FBLN5: variants seen among roughly 807,000 people sequenced by gnomAD.
FBLN5 encodes fibulin 5.
Under a neutral mutation model 61.6 loss-of-function variants are expected in FBLN5, and 24 were observed. The observed-to-expected ratio is 0.39, with a 90% confidence interval of 0.28 to 0.55. The LOEUF is 0.55. FBLN5 is among the 20% of genes least tolerant of loss of function. The pLI, the probability that FBLN5 is intolerant of heterozygous loss-of-function variation, is 0.65. For missense variants in FBLN5, 470 were observed against 594.1 expected, an observed-to-expected ratio of 0.79 and a Z score of 2.17; for synonymous variants, 213 against 219.8, an observed-to-expected ratio of 0.97 and a Z score of 0.27.
rs761430221 is a variant in FBLN5 at position 91,940,630 on chromosome 14, G to A, written c.73-14C>T. Reference sequence around the variant, plus strand: ...CGTGCACTGTGCCTGCAGGGAAGGAGAGAGGAGAAACAGGCAAGGTCATTT... The same window carrying A: ...CGTGCACTGTGCCTGCAGGGAAGGAAAGAGGAGAAACAGGCAAGGTCATTT... On this transcript the variant is annotated splice_polypyrimidine_tract_variant and intron_variant, in intron 2 of 10. Coordinates refer to ENST00000342058, the MANE Select transcript of FBLN5 (RefSeq NM_006329.4). 3 of 1,613,374 alleles carry A rather than the reference G, an allele frequency of 1.9e-6. No individual in the cohort carries two copies. Among genetic ancestry groups the A allele is most frequent in the Non-Finnish European group, 2.5e-6 (3 of 1,179,294 alleles).
At chr14:91,875,233 G>A (rs370585893) in intron 10 of FBLN5, among the ~76,000 whole-genome samples, 14 of 152,174 alleles carry the variant, frequency 9.2e-5, no homozygotes, top group African/African-American at 3.1e-4. Context: ...GAAGTTCAAG[G>A]ATGCAGAAAG....
chr14:91,880,770 CA>C (rs1052078602), intron 9 of FBLN5, among the ~76,000 whole-genome samples: 1 of 152,042 alleles, frequency 6.6e-6, no homozygotes, highest in African/African-American at 2.4e-5. Flanking sequence ...AGGCTGCTCT[CA>C]AACTCTTGAG....
rs763570306 is a variant in FBLN5, at chr14:91,882,984, T to C, written c.832A>G (p.Ile278Val). ...TYFCSCPPGY[I>V]LLDDNRSCQD... ...CAGCTTCGGTTGTCATCCAGCAGGA[T>C]GTAGCCTGGAGGGCAGGAGCAGAAG... is the stretch of plus-strand genomic sequence containing the variant. The change falls in exon 8 of 11, where the codon ATC becomes GTC. Residue 278 changes from isoleucine to valine, a missense_variant. Ile to Val is a conservative substitution (Grantham distance 29). Transcript: ENST00000342058. This position sits in a 1 kb window ranked among gnomAD's most constrained non-coding sequence, Gnocchi z 4.9. 1.9e-6 allele frequency: 3 copies of C among 1,614,120 alleles called. No individual in the cohort carries two copies. Among genetic ancestry groups the C allele is most frequent in the Non-Finnish European group, 1.7e-6 (2 of 1,179,954 alleles).
chr14:91,885,154 T>A (rs951548772), intron 7 of FBLN5, among the ~76,000 whole-genome samples: 1 of 152,180 alleles, frequency 6.6e-6, no homozygotes, highest in African/African-American at 2.4e-5. Flanking sequence ...ACTCTCTCCA[T>A]CACCCTGTTA....
intron 1 of FBLN5, among the ~76,000 whole-genome samples, chr14:91,944,611 C>A (rs2056156143): frequency 6.6e-6 from 1 of 152,186 alleles, no homozygotes; most frequent in African/African-American, 2.4e-5. Context: ...GAATAGTATT[C>A]AGTCTTAAAA....
intron 5 of FBLN5, among the ~76,000 whole-genome samples, chr14:91,894,215 A>G (rs1266118760): frequency 1.3e-5 from 2 of 151,744 alleles, no homozygotes; most frequent in Non-Finnish European, 2.9e-5. Flanking sequence ...CCTGGCCAAC[A>G]TGGCAAAACC....
At position 91,891,601 on chromosome 14, in the gene FBLN5, T is replaced by A. The variant is rs112336059; in HGVS notation, c.503-264A>T. ...CTATCCTAAAAGTTGCAGAAGAAATTTCTGCTTCGATTGGGATGTTGGGCA... is the reference window on the plus strand; with the variant it reads ...CTATCCTAAAAGTTGCAGAAGAAATATCTGCTTCGATTGGGATGTTGGGCA... On this transcript the variant is annotated intron_variant, in intron 5 of 10. Coordinates refer to ENST00000342058, the MANE Select transcript of FBLN5 (RefSeq NM_006329.4). Among the ~76,000 whole-genome samples the A allele has an allele frequency of 1.4e-3, 213 of 152,262 alleles. 1 individual carries two copies. Among genetic ancestry groups the A allele is most frequent in the African/African-American group, 4.3e-3 (177 of 41,560 alleles).
intron 4 of FBLN5, among the ~76,000 whole-genome samples, chr14:91,925,013 A>G (rs1241452574): frequency 2.6e-5 from 4 of 152,156 alleles, no homozygotes; most frequent in Admixed American, 2.6e-4. Context: ...CCCTCCTCCC[A>G]TGGAAACTGT....
rs138091209 is a variant in FBLN5, at chr14:91,871,402, A to G, written c.1186-1017T>C. ...TCATCTCCAGCTTCACCATTCTGTA[A>G]CCTGATCACTGTGGTCCTAATAATT... On this transcript the variant is annotated intron_variant, in intron 10 of 10. Transcript: ENST00000342058. 7.8e-3 allele frequency among the ~76,000 whole-genome samples: 1,188 copies of G among 152,144 alleles called. 28 individuals are homozygous for G. Among genetic ancestry groups the G allele is most frequent in the African/African-American group, 0.027 (1,133 of 41,500 alleles).
At chr14:91,901,977 G>A (rs1391784293) in intron 4 of FBLN5, among the ~76,000 whole-genome samples, 1 of 152,180 alleles carries the variant, frequency 6.6e-6, no homozygotes, top group Admixed American at 6.5e-5. Flanking sequence ...GTTCTGAAAG[G>A]CCCCTTCAAG....
intron 4 of FBLN5, among the ~76,000 whole-genome samples, chr14:91,928,405 T>C (rs1166385675): frequency 6.6e-6 from 1 of 152,162 alleles, no homozygotes; most frequent in African/African-American, 2.4e-5. Flanking sequence ...ATGCCCTAAA[T>C]TGCATAAAAT....
At chr14:91,898,090 A>T (rs748810237) in intron 4 of FBLN5, among the ~76,000 whole-genome samples, 1 of 152,152 alleles carries the variant, frequency 6.6e-6, no homozygotes, top group Non-Finnish European at 1.5e-5. Context: ...ACACTTTTGT[A>T]TTTGTTTTGT....
At chr14:91,946,082 T>A (rs2056178833) in intron 1 of FBLN5, among the ~76,000 whole-genome samples, 1 of 141,902 alleles carries the variant, frequency 7.0e-6, no homozygotes, top group African/African-American at 2.5e-5. Context: ...AACCCCATCT[T>A]TCCCCCTACT....
At chr14:91,931,187 G>T (rs771323682) in intron 4 of FBLN5, among the ~76,000 whole-genome samples, 5 of 152,148 alleles carry the variant, frequency 3.3e-5, no homozygotes, top group Non-Finnish European at 7.4e-5. Flanking sequence ...CCCAGTTCCA[G>T]TCCCCTCCAC....
chr14:91,880,563 T>G (rs1484322961), intron 9 of FBLN5, among the ~76,000 whole-genome samples: 1 of 133,870 alleles, frequency 7.5e-6, no homozygotes, highest in African/African-American at 2.7e-5. Flanking sequence ...GTGTGTGTGT[T>G]TTGAGACAGA....
chr14:91,872,271 C>T (rs1317573326), intron 10 of FBLN5, among the ~76,000 whole-genome samples: 1 of 152,180 alleles, frequency 6.6e-6, no homozygotes, highest in African/African-American at 2.4e-5. Context: ...CACTGCACAG[C>T]AGGTATCAGA....
intron 4 of FBLN5, among the ~76,000 whole-genome samples, chr14:91,918,936 A>ACT (rs1455382001): frequency 6.6e-6 from 1 of 152,182 alleles, no homozygotes; most frequent in Non-Finnish European, 1.5e-5. Flanking sequence ...TGTTTTGGGA[A>ACT]CTCAGAGAAG....
intron 4 of FBLN5, among the ~76,000 whole-genome samples, chr14:91,924,618 G>C (rs2430370): frequency 0.88 from 133,825 of 151,840 alleles, 59,082 homozygotes; most frequent in East Asian, 0.93. Context: ...GGAGATGGGG[G>C]TTGCAGTGAG....
Position 91,940,613 on chromosome 14 carries a change from G to A in FBLN5, c.76C>T (p.Gln26Ter). The change falls in exon 3 of 11, where the codon CAG (glutamine) becomes TAG (stop). Residue 26 changes from glutamine (Q) to a stop codon, truncating the protein, a stop_gained. Transcript: ENST00000342058. LOFTEE classifies it high-confidence loss of function. ...TCCAGGTCAAAGCCATTCGTGCACT[G>A]TGCCTGCAGGGAAGGAGAGAGGAGA... ...CLPSPGNAQA[Q>*]CTNGFDLDRQ... 1 of 1,613,888 alleles carries A rather than the reference G, an allele frequency of 6.2e-7. No homozygotes were observed. The highest frequency in any genetic ancestry group is 8.5e-7 in the Non-Finnish European group (1 of 1,179,840).
Sources: gnomAD v4.1 joint callset for allele counts (sites outside exome capture counted in the v4.1 genomes callset) on GRCh38, gnomAD v4.1.1 for gene constraint, Gnocchi (gnomAD v3.1) non-coding constraint, MANE v1.5 for transcripts, NCBI Gene and HGNC (gene_info 2026-07-23, HGNC 2026-07-21) for gene names.